Variants in PARP10 observed in about 807,000 individuals in gnomAD.
PARP10 encodes protein mono-ADP-ribosyltransferase PARP10.
Under a neutral mutation model 82.4 loss-of-function variants are expected in PARP10, and 56 were observed. That is an observed-to-expected ratio of 0.68 (90% confidence interval 0.55 to 0.85). The LOEUF is 0.85. PARP10 is among the 40% of genes least tolerant of loss of function. The pLI is 0.00. For synonymous variants in PARP10, 576 were observed against 601.1 expected (o/e 0.96, Z 0.61); for missense variants, 1,227 against 1,379.4 (o/e 0.89, Z 1.75).
At chr8:143,980,347 A>C (rs1284848841) in intron 9 of PARP10, among the ~76,000 whole-genome samples, 3 of 147,508 alleles carry the variant, frequency 2.0e-5, no homozygotes, top group African/African-American at 2.5e-5. Context: ...AAAAAAAAAA[A>C]AAAACCATCT....
chr8:143,991,671 C>G, upstream of PARP10: 1 of 1,596,530 alleles, frequency 6.3e-7, no homozygotes. Context: ...GTGGCGCTGA[C>G]CCAGCCTGTC....
chr8:143,977,515 G>C lies in PARP10; in HGVS notation c.3047C>G (p.Ser1016Cys). ...GTCTGGGGAGCGGCCCGGGAGCCCA[G>C]AGGGGTCGTCGGGGGAAGCGCGGGG... ...HVPRASPDDP[S>C]GLPGRSPDT Residue 1016 changes from serine (S) to cysteine (C), a missense_variant, in exon 11 of 11, where the codon TCT becomes TGT. Transcript: ENST00000313028. 6.4e-7 allele frequency: 1 copy of C among 1,557,778 alleles called. No homozygotes were observed. The highest frequency in any genetic ancestry group is 1.2e-5 in the South Asian group (1 of 84,702).
intron 1 of PARP10, among the ~76,000 whole-genome samples, chr8:144,006,703 C>T (rs1019635179): frequency 2.0e-5 from 3 of 152,106 alleles, no homozygotes; most frequent in Non-Finnish European, 4.4e-5. Flanking sequence ...GAGGGTGGAG[C>T]CTTATAGAAA....
At chr8:143,992,977 C>T (rs1834126528), upstream of PARP10, 3 of 716,566 alleles carry the variant, frequency 4.2e-6, no homozygotes, top group South Asian at 1.8e-5. Context: ...CTCTCTCCAA[C>T]CCTCCTGTAT....
intron 1 of PARP10, chr8:144,012,429 C>T: frequency 2.4e-6 from 3 of 1,228,378 alleles, no homozygotes; most frequent in Middle Eastern, 5.1e-4. Flanking sequence ...CTGCACCCTC[C>T]TTCAGCCCAG....
In PARP10 at chr8:144,012,514, G is replaced by T. The variant is rs560859469; in HGVS notation, c.-80+16C>A. The T allele has an allele frequency of 6.4e-6, 10 of 1,551,698 alleles. No homozygotes were observed. In the East Asian group the frequency reaches 2.4e-4, roughly 38 times the overall value. On this transcript the variant is annotated intron_variant, in intron 1 of 3. Transcript: ENST00000530478. ...GCCGCACCCTTGCCACTGCCCCAGG[G>T]CATGTCTCTACTCACCAATTATGAA... is the stretch of plus-strand genomic sequence containing the variant.
chr8:144,009,460 C>T (rs976177543), intron 1 of PARP10, among the ~76,000 whole-genome samples: 31 of 152,302 alleles, frequency 2.0e-4, no homozygotes, highest in African/African-American at 7.5e-4. Flanking sequence ...GCGGCTTTGT[C>T]GTGGCTCTAC....
At chr8:143,998,386 A>C (rs1473108229) in intron 1 of PARP10, among the ~76,000 whole-genome samples, 1 of 152,182 alleles carries the variant, frequency 6.6e-6, no homozygotes, top group African/African-American at 2.4e-5. Context: ...CTATTGGTTG[A>C]AGGTAATCAG....
chr8:143,990,941 T>C (rs1834082091), upstream of PARP10: 2 of 236,656 alleles, frequency 8.5e-6, no homozygotes, highest in Non-Finnish European at 1.6e-5. This position sits in a 1 kb window ranked among gnomAD's most constrained non-coding sequence, Gnocchi z 5.6. Flanking sequence ...ATCCCGAGGC[T>C]GGCGGTCGTC....
chr8:144,007,448 C>T (rs564981185), intron 1 of PARP10, among the ~76,000 whole-genome samples: 1 of 152,336 alleles, frequency 6.6e-6, no homozygotes, highest in East Asian at 1.9e-4. Flanking sequence ...TCTGTTTCAA[C>T]TGCTGGTATA....
chr8:143,986,148 A>G lies in PARP10; in HGVS notation c.88T>C (p.Tyr30His). The G allele has an allele frequency of 6.2e-7, 1 of 1,613,832 alleles. No individual in the cohort carries two copies. Among genetic ancestry groups the G allele is most frequent in the Non-Finnish European group, 8.5e-7 (1 of 1,179,904 alleles). Residue 30 changes from tyrosine (Y) to histidine (H), a missense_variant, in exon 2 of 11, where the codon TAC becomes CAC. By Grantham distance (83) the Tyr-to-His change is moderately conservative. Coordinates refer to ENST00000313028, the MANE Select transcript of PARP10 (RefSeq NM_032789.5). ...PAVPDELLTL[Y>H]FENRRRSGGG... ...CCAGAGCGTCGGCGGTTTTCAAAGTAGAGAGTGAGCAGCTCGTCGGGCACG... is the reference window on the plus strand; with the variant it reads ...CCAGAGCGTCGGCGGTTTTCAAAGTGGAGAGTGAGCAGCTCGTCGGGCACG...
intron 1 of PARP10, among the ~76,000 whole-genome samples, chr8:144,003,353 G>A (rs1834215282): frequency 6.6e-6 from 1 of 151,054 alleles, no homozygotes; most frequent in Admixed American, 6.6e-5. Flanking sequence ...AGCCTGGGAG[G>A]CGAAGGTTGC....
Position 143,985,971 on chromosome 8 carries a change from G to A in PARP10, c.186C>T (p.Ala62=), listed in dbSNP as rs199910383. 5.8e-5 allele frequency: 92 copies of A among 1,590,834 alleles called. 1 individual carries two copies. Among genetic ancestry groups the A allele is most frequent in the Middle Eastern group, 1.7e-4 (1 of 5,962 alleles). Residue 62 remains alanine (A), a synonymous_variant, in exon 3 of 11, where the codon GCC becomes GCT. Transcript: ENST00000313028. ...GVLTFREPAD[A]ERVLAQADHE... is the part of the protein sequence containing the mutation. ...GATCTGCCTGGGCCAAGACCCTCTC[G>A]GCGTCTGTGGGCAGGGGCGGGGCAG... is the stretch of plus-strand genomic sequence containing the variant.
chr8:143,986,266 G>C (rs1833989638), intron 1 of PARP10, 33 bp from the exon 2 acceptor site: 1 of 1,613,294 alleles, frequency 6.2e-7, no homozygotes, highest in African/African-American at 1.3e-5. Flanking sequence ...TAGGGAAACA[G>C]CCCATTCCAC....
At chr8:143,994,153 G>A (rs1834143698), upstream of PARP10, among the ~76,000 whole-genome samples, 2 of 152,184 alleles carry the variant, frequency 1.3e-5, no homozygotes, top group African/African-American at 4.8e-5. Context: ...ATGCAGCGTG[G>A]CCTGAGGATC....
At chr8:144,006,019 G>A (rs1834234314) in intron 1 of PARP10, among the ~76,000 whole-genome samples, 1 of 152,180 alleles carries the variant, frequency 6.6e-6, no homozygotes, top group Admixed American at 6.5e-5. Flanking sequence ...CTGAAGAGTG[G>A]GGACCCTCAT....
At chr8:143,981,239 G>C (rs1168242835) in intron 9 of PARP10, among the ~76,000 whole-genome samples, 29 of 152,220 alleles carry the variant, frequency 1.9e-4, no homozygotes. Flanking sequence ...ACGGTGTGTT[G>C]GTGAAGCTGA....
chr8:143,987,516 G>A (rs1834011733), upstream of PARP10, among the ~76,000 whole-genome samples: 1 of 152,204 alleles, frequency 6.6e-6, no homozygotes, highest in South Asian at 2.1e-4. Flanking sequence ...CCCATGGTGG[G>A]TCCTCAACAG....
chr8:143,990,137 G>C (rs1395163227), upstream of PARP10: 5 of 150,922 alleles, frequency 3.3e-5, no homozygotes, highest in Non-Finnish European at 7.4e-5. The surrounding 1 kb of genome is among the most constrained non-coding windows in gnomAD (Gnocchi z 5.6). Flanking sequence ...CGGGCGCATC[G>C]GCCATCACCG....
Sources: gnomAD v4.1 joint callset for allele counts (sites outside exome capture counted in the v4.1 genomes callset) on GRCh38, gnomAD v4.1.1 for gene constraint, Gnocchi (gnomAD v3.1) non-coding constraint, MANE v1.5 for transcripts, NCBI Gene and HGNC (gene_info 2026-07-23, HGNC 2026-07-21) for gene names.